Variants in CCNT2 observed in about 807,000 individuals in gnomAD.
The protein encoded by CCNT2 is cyclin-T2.
CCNT2 carries 18 observed loss-of-function variants against 70.0 expected under a neutral mutation model. The ratio of observed to expected loss-of-function variants is 0.26; its 90% CI spans 0.18 to 0.38. The LOEUF (loss-of-function observed/expected upper bound fraction) is 0.38. Ranked by LOEUF, CCNT2 falls within the 10% of genes least tolerant of loss-of-function variation. The probability of loss-of-function intolerance (pLI) is 1.00; values close to 1 mark genes in which losing one functional copy is unlikely to be tolerated. For missense variants in CCNT2, 734 were observed against 890.2 expected, an observed-to-expected ratio of 0.82 and a Z score of 2.23; for synonymous variants, 334 against 313.3, an observed-to-expected ratio of 1.07 and a Z score of -0.70.
rs1683036274 is a variant in CCNT2, at chr2:134,958,278, T to C, written c.*3630T>C. On this transcript the variant is annotated 3_prime_UTR_variant, in exon 9 of 9. Transcript: ENST00000264157. Reference sequence around the variant, plus strand: ...TTATCCAAATGAAAAGCATATCTGCTTAAATTTAGGATGTCTTTGCTGAGA... The same window carrying C: ...TTATCCAAATGAAAAGCATATCTGCCTAAATTTAGGATGTCTTTGCTGAGA... 1 of 152,216 alleles carries C rather than the reference T, an allele frequency of 6.6e-6. No individual in the cohort carries two copies. Among genetic ancestry groups the C allele is most frequent in the South Asian group, 2.1e-4 (1 of 4,832 alleles). The allele number at this position is 152,216 out of a possible 1,614,324, so 9.4% of individuals were successfully genotyped here.
intron 2 of CCNT2, among the ~76,000 whole-genome samples, chr2:134,930,018 C>T (rs552223794): frequency 2.0e-4 from 31 of 151,954 alleles, no homozygotes; most frequent in East Asian, 7.7e-4. Flanking sequence ...ATTCATATAC[C>T]GTAAAATCCA....
chr2:134,927,770 G>A lies in CCNT2; in HGVS notation c.240+7879G>A, dbSNP rs45624839. On this transcript the variant is annotated intron_variant, in intron 2 of 8. Coordinates refer to ENST00000264157, the MANE Select transcript of CCNT2 (RefSeq NM_058241.3). ...TAAACATACATATACATTCTAGGGAGTACATATTTACACATGTTCTAGGGA... is the reference window on the plus strand; with the variant it reads ...TAAACATACATATACATTCTAGGGAATACATATTTACACATGTTCTAGGGA... 0.019 allele frequency among the ~76,000 whole-genome samples: 2,959 copies of A among 152,204 alleles called. 224 individuals carry two copies. In the East Asian group the frequency reaches 0.29, roughly 15 times the overall value.
In CCNT2 at chr2:134,953,383, C is replaced by T. The variant is rs780574413; in HGVS notation, c.928C>T (p.Pro310Ser). 1.9e-6 allele frequency: 3 copies of T among 1,601,380 alleles called. No individual in the cohort carries two copies. The highest frequency in any genetic ancestry group is 1.3e-5 in the African/African-American group (1 of 74,194). Residue 310 changes from proline (P) to serine (S), a missense_variant, in exon 9 of 9, where the codon CCT becomes TCT. Pro to Ser is a moderately conservative substitution (Grantham distance 74). Coordinates refer to ENST00000264157, the MANE Select transcript of CCNT2 (RefSeq NM_058241.3). ...TCAGAAACCATCTACATCAGCATTCCCTGCGCCAGTACCTCTAAATTCAGG... is the reference window on the plus strand; with the variant it reads ...TCAGAAACCATCTACATCAGCATTCTCTGCGCCAGTACCTCTAAATTCAGG... ...SFQKPSTSAFPAPVPLNSGNI... is the reference protein window; with the variant it reads ...SFQKPSTSAFSAPVPLNSGNI...
rs1357662713 is a variant in CCNT2, at chr2:134,947,907, G to A, written c.703+8G>A. 2 of 1,447,014 alleles carry A rather than the reference G, an allele frequency of 1.4e-6. No individual in the cohort carries two copies. The highest frequency in any genetic ancestry group is 2.8e-5 in the African/African-American group (2 of 71,364). 89.6% of individuals were successfully genotyped at this position (1,447,014 alleles called of 1,614,324 possible). A position where few individuals can be genotyped will look rare whatever the true frequency, so the allele number is the denominator to read the frequency against. On this transcript the variant is annotated splice_region_variant and intron_variant, in intron 7 of 8. Coordinates refer to ENST00000264157, the MANE Select transcript of CCNT2 (RefSeq NM_058241.3). Reference sequence around the variant, plus strand: ...CTCTAGAATTATTAGATGGTAAGTAGAGAAAATAAATTTTTAAGTTTGGAA... The same window carrying A: ...CTCTAGAATTATTAGATGGTAAGTAAAGAAAATAAATTTTTAAGTTTGGAA...
At chr2:134,946,623 A>G (rs1360348980) in intron 6 of CCNT2, among the ~76,000 whole-genome samples, 1 of 151,928 alleles carries the variant, frequency 6.6e-6, no homozygotes, top group Non-Finnish European at 1.5e-5. Flanking sequence ...ACCCACTAGT[A>G]GCAAGTTAAA....
chr2:134,938,187 TG>T (rs1475286393), intron 3 of CCNT2, among the ~76,000 whole-genome samples: 1 of 152,244 alleles, frequency 6.6e-6, no homozygotes, highest in African/African-American at 2.4e-5. Flanking sequence ...CTTGGGGTAC[TG>T]TTTAAATAAT....
At chr2:134,919,152 C>T (rs2104999727) in intron 1 of CCNT2, 140 bp downstream of exon 1, 5 of 973,146 alleles carry the variant, frequency 5.1e-6, no homozygotes, top group South Asian at 3.4e-5. Flanking sequence ...TGTTCCGGCT[C>T]GGGCAGTCGC....
intron 5 of CCNT2, chr2:134,945,245 C>T (rs978577192): frequency 1.8e-5 from 18 of 985,058 alleles, no homozygotes; most frequent in East Asian, 1.1e-4. Flanking sequence ...AATTTGAGGA[C>T]GGTTAGAGGG....
intron 1 of CCNT2, 134 bp downstream of exon 1, chr2:134,919,146 C>G (rs1341751763): frequency 4.8e-6 from 5 of 1,033,906 alleles, no homozygotes; most frequent in Non-Finnish European, 6.8e-6. Context: ...AAGTAATGTT[C>G]CGGCTCGGGC....
At chr2:134,943,275 C>A in intron 5 of CCNT2, 1 of 348,106 alleles carries the variant, frequency 2.9e-6, no homozygotes, top group Non-Finnish European at 4.0e-6. Context: ...GTGGTACACG[C>A]ATGTAGTCTC....
intron 2 of CCNT2, among the ~76,000 whole-genome samples, chr2:134,932,421 A>G (rs984672348): frequency 2.6e-5 from 4 of 152,186 alleles, no homozygotes; most frequent in African/African-American, 9.7e-5. Context: ...TAGTTACTCT[A>G]TGGAAGTCAA....
intron 2 of CCNT2, among the ~76,000 whole-genome samples, chr2:134,936,335 A>G (rs1247693667): frequency 6.6e-6 from 1 of 152,148 alleles, no homozygotes; most frequent in African/African-American, 2.4e-5. Flanking sequence ...AAACAGATTT[A>G]TAGATTAGTT....
At chr2:134,925,453 C>T (rs1220352168) in intron 2 of CCNT2, among the ~76,000 whole-genome samples, 1 of 152,070 alleles carries the variant, frequency 6.6e-6, no homozygotes, top group African/African-American at 2.4e-5. Context: ...ACCCCCAACC[C>T]CGCAGTCATT....
rs1019646191 is a variant in CCNT2, at chr2:134,957,317, T to C, written c.*2669T>C. 6.6e-6 allele frequency: 1 copy of C among 152,190 alleles called. No individual in the cohort carries two copies. The highest frequency in any genetic ancestry group is 6.5e-5 in the Admixed American group (1 of 15,272). The allele number at this position is 152,190 out of a possible 1,614,324, so 9.4% of individuals were successfully genotyped here. A position where few individuals can be genotyped will look rare whatever the true frequency, so the allele number is the denominator to read the frequency against. ...TCAAATTTAGGTATGAAATTCCACA[T>C]GTGCAAAGTACTGTTAAGGTGATAA... On this transcript the variant is annotated 3_prime_UTR_variant, in exon 9 of 9. Transcript: ENST00000264157.
At chr2:134,939,445 C>T (rs999315406) in intron 4 of CCNT2, among the ~76,000 whole-genome samples, 4 of 151,664 alleles carry the variant, frequency 2.6e-5, no homozygotes, top group Non-Finnish European at 5.9e-5. Flanking sequence ...GAGTATATCA[C>T]CTTTTTTATT....
Position 134,956,627 on chromosome 2 carries a change from A to G in CCNT2, c.*1979A>G, listed in dbSNP as rs184272363. On this transcript the variant is annotated 3_prime_UTR_variant, in exon 9 of 9. Coordinates refer to ENST00000264157, the MANE Select transcript of CCNT2 (RefSeq NM_058241.3). ...ACCTCTACAGAGCTATCATGTAAAA[A>G]CTACATAAGGTGGTTGTGCTACTGT... The G allele has an allele frequency of 2.6e-5, 4 of 152,638 alleles. No homozygotes were observed. Among genetic ancestry groups the G allele is most frequent in the Admixed American group, 1.3e-4 (2 of 15,300 alleles). 9.5% of individuals were successfully genotyped at this position (152,638 alleles called of 1,614,324 possible).
At position 134,953,479 on chromosome 2, in the gene CCNT2, T is replaced by G; in HGVS notation, c.1024T>G (p.Ser342Ala). ...SMLATGMPST[S>A]YGLSSHQEWP... ...GCTAGCAACAGGAATGCCAAGTACTTCATACGGTTTATCATCACACCAGGA... is the reference window on the plus strand; with the variant it reads ...GCTAGCAACAGGAATGCCAAGTACTGCATACGGTTTATCATCACACCAGGA... The change falls in exon 9 of 9, where the codon TCA (serine) becomes GCA (alanine). Residue 342 changes from serine (S) to alanine (A), a missense_variant. Around this residue, in one of 3 missense-constraint regions of CCNT2, gnomAD observed 532 missense variants for 556.9 expected, o/e 0.96. Transcript: ENST00000264157. 1 of 1,614,144 alleles carries G rather than the reference T, an allele frequency of 6.2e-7. No homozygotes were observed. The highest frequency in any genetic ancestry group is 8.5e-7 in the Non-Finnish European group (1 of 1,179,996).
At position 134,918,914 on chromosome 2, in the gene CCNT2, C is replaced by T. The variant is rs1002580391; in HGVS notation, c.60C>T (p.Asn20=). 5 of 1,613,934 alleles carry T rather than the reference C, an allele frequency of 3.1e-6. No individual in the cohort carries two copies. The highest frequency in any genetic ancestry group is 2.7e-5 in the African/African-American group (2 of 74,942). Residue 20 remains asparagine, a synonymous_variant, in exon 1 of 9, where the codon AAC becomes AAT. Coordinates refer to ENST00000264157, the MANE Select transcript of CCNT2 (RefSeq NM_058241.3). ...RWFFTREQLE[N]TPSRRCGVEA... ...TCTTTACTCGGGAACAGCTGGAGAACACGCCGAGCCGCCGCTGCGGAGTGG... is the reference window on the plus strand; with the variant it reads ...TCTTTACTCGGGAACAGCTGGAGAATACGCCGAGCCGCCGCTGCGGAGTGG...
rs1349566632 is a variant in CCNT2, at chr2:134,956,878, C to A, written c.*2230C>A. Reference sequence around the variant, plus strand: ...TAATGATGGACAGTTAAAAAGATAGCTAGTGTATATTGTTATGGGTCAGTA... The same window carrying A: ...TAATGATGGACAGTTAAAAAGATAGATAGTGTATATTGTTATGGGTCAGTA... On this transcript the variant is annotated 3_prime_UTR_variant, in exon 9 of 9. Coordinates refer to ENST00000264157, the MANE Select transcript of CCNT2 (RefSeq NM_058241.3). The A allele has an allele frequency of 6.6e-6, 1 of 152,480 alleles. No homozygotes were observed. The highest frequency in any genetic ancestry group is 1.5e-5 in the Non-Finnish European group (1 of 67,978). The allele number at this position is 152,480 out of a possible 1,614,324, so 9.4% of individuals were successfully genotyped here.
Sources: gnomAD v4.1 joint callset for allele counts (sites outside exome capture counted in the v4.1 genomes callset) on GRCh38, gnomAD v4.1.1 for gene constraint, gnomAD v4.1.1 regional missense constraint, MANE v1.5 for transcripts, NCBI Gene and HGNC (gene_info 2026-07-23, HGNC 2026-07-21) for gene names.